Variants in PPP1R14C observed in about 807,000 individuals in gnomAD.
PPP1R14C encodes the protein protein phosphatase 1 regulatory subunit 14C.
In PPP1R14C, 16 loss-of-function variants were observed where a neutral mutation model predicts 20.4. The observed-to-expected ratio is 0.78, with a 90% CI of 0.53 to 1.19. The LOEUF is 1.19. Ranked by LOEUF, PPP1R14C falls within the 50% of genes most tolerant of loss-of-function variation. The pLI, the probability that PPP1R14C is intolerant of heterozygous loss-of-function variation, is 0.00. For missense variants in PPP1R14C, 211 were observed against 220.1 expected (o/e 0.96, Z 0.26); for synonymous variants, 91 against 91.0 (o/e 1.00, Z 0.00).
At chr6:150,165,971 G>A (rs557193331) in intron 1 of PPP1R14C, among the ~76,000 whole-genome samples, 48 of 152,286 alleles carry the variant, frequency 3.2e-4, no homozygotes, top group African/African-American at 9.9e-4. Flanking sequence ...TCAGGAGGTT[G>A]GTGTGGACTC....
intron 1 of PPP1R14C, among the ~76,000 whole-genome samples, chr6:150,154,729 C>T (rs1019238293): frequency 1.3e-5 from 2 of 152,144 alleles, no homozygotes; most frequent in East Asian, 1.9e-4. Flanking sequence ...CTGCACTGGG[C>T]ATGATGTCTT....
intron 1 of PPP1R14C, among the ~76,000 whole-genome samples, chr6:150,156,356 A>G (rs1259067609): frequency 6.6e-6 from 1 of 152,232 alleles, no homozygotes; most frequent in Non-Finnish European, 1.5e-5. Flanking sequence ...CAATGTAAAA[A>G]ACTATTAATT....
rs1449597614 is a variant in PPP1R14C at position 150,181,253 on chromosome 6, T to C, written c.307-33491T>C. Among the ~76,000 whole-genome samples, 6 of 152,178 alleles carry C rather than the reference T, an allele frequency of 3.9e-5. No homozygotes were observed. The East Asian group carries it at 1.2e-3, about 29-fold the overall frequency. ...GTGCAGTGGCGCGATCTCATCTCACTGCAACCTCCACCTCTCGGGTTTAAG... is the reference window on the plus strand; with the variant it reads ...GTGCAGTGGCGCGATCTCATCTCACCGCAACCTCCACCTCTCGGGTTTAAG... On this transcript the variant is annotated intron_variant, in intron 1 of 3. Coordinates refer to ENST00000361131, the MANE Select transcript of PPP1R14C (RefSeq NM_030949.3).
At chr6:150,221,204 A>C (rs1346809877) in intron 3 of PPP1R14C, among the ~76,000 whole-genome samples, 2 of 152,248 alleles carry the variant, frequency 1.3e-5, no homozygotes, top group Non-Finnish European at 2.9e-5. Flanking sequence ...TCTGTAGTTC[A>C]CATTGCACTA....
At chr6:150,220,709 C>T (rs1288672321) in intron 3 of PPP1R14C, among the ~76,000 whole-genome samples, 1 of 152,210 alleles carries the variant, frequency 6.6e-6, no homozygotes, top group Non-Finnish European at 1.5e-5. Context: ...TTCTCTTTTG[C>T]CTGGCTTCGC....
chr6:150,198,064 G>A lies in PPP1R14C; in HGVS notation c.307-16680G>A, dbSNP rs56016425. On this transcript the variant is annotated intron_variant, in intron 1 of 3. Coordinates refer to ENST00000361131, the MANE Select transcript of PPP1R14C (RefSeq NM_030949.3). ...AGCTTTGTGTGCCCCTGGCCGCCAC[G>A]GTGGAGGAGGGCCTGGATGCCCGGC... Among the ~76,000 whole-genome samples, 23 of 67,372 alleles carry A rather than the reference G, an allele frequency of 3.4e-4. 1 individual carries two copies. Among genetic ancestry groups the A allele is most frequent in the African/African-American group, 1.7e-3 (23 of 13,224 alleles). The allele number at this position is 67,372 out of a possible 152,430, so 44.2% of individuals were successfully genotyped here.
At chr6:150,226,201 A>G (rs964376226) in intron 3 of PPP1R14C, among the ~76,000 whole-genome samples, 1 of 152,196 alleles carries the variant, frequency 6.6e-6, no homozygotes, top group Non-Finnish European at 1.5e-5. Flanking sequence ...AATTGTGAGC[A>G]CCTCACTAAT....
At chr6:150,229,970 G>C (rs1778275409) in intron 3 of PPP1R14C, among the ~76,000 whole-genome samples, 1 of 152,130 alleles carries the variant, frequency 6.6e-6, no homozygotes. Flanking sequence ...GTAACTTCCA[G>C]GAGCAAATCC....
chr6:150,226,921 T>G (rs1778237116), intron 3 of PPP1R14C, among the ~76,000 whole-genome samples: 1 of 152,192 alleles, frequency 6.6e-6, no homozygotes, highest in Non-Finnish European at 1.5e-5. Context: ...TGATCTGGTT[T>G]GTGAGTAGAA....
chr6:150,147,952 G>A (rs900804224), intron 1 of PPP1R14C, among the ~76,000 whole-genome samples: 2 of 152,176 alleles, frequency 1.3e-5, no homozygotes, highest in African/African-American at 4.8e-5. Flanking sequence ...CATGGATACA[G>A]AGAAACAGAG....
intron 1 of PPP1R14C, among the ~76,000 whole-genome samples, chr6:150,165,735 G>A (rs913904594): frequency 6.6e-6 from 1 of 152,088 alleles, no homozygotes; most frequent in African/African-American, 2.4e-5. Context: ...AAATTTTTGT[G>A]TGTGACAGCC....
intron 1 of PPP1R14C, among the ~76,000 whole-genome samples, chr6:150,177,290 G>A (rs572091084): frequency 5.3e-5 from 8 of 152,196 alleles, no homozygotes; most frequent in Admixed American, 2.6e-4. Flanking sequence ...GATCTGGGGA[G>A]AAGAGAGGGA....
chr6:150,217,145 AG>A (rs1778103923), intron 3 of PPP1R14C, among the ~76,000 whole-genome samples: 2 of 152,044 alleles, frequency 1.3e-5, no homozygotes, highest in Admixed American at 1.3e-4. Context: ...TTTTAGTAAA[AG>A]TTTTAGGTTT....
intron 1 of PPP1R14C, among the ~76,000 whole-genome samples, chr6:150,159,632 T>A (rs1379588084): frequency 2.2e-5 from 3 of 134,572 alleles, no homozygotes; most frequent in African/African-American, 5.6e-5. Context: ...TTTTTTTTTT[T>A]AAACAAATAA....
At chr6:150,173,357 G>T (rs1777520083) in intron 1 of PPP1R14C, among the ~76,000 whole-genome samples, 1 of 151,504 alleles carries the variant, frequency 6.6e-6, no homozygotes, top group South Asian at 2.1e-4. Context: ...CCATCCCTAT[G>T]GTGAGTGCCC....
intron 1 of PPP1R14C, among the ~76,000 whole-genome samples, chr6:150,200,310 A>G (rs777813183): frequency 4.6e-5 from 7 of 151,196 alleles, no homozygotes; most frequent in Non-Finnish European, 1.0e-4. Context: ...AATAGACTCT[A>G]TTTGAGCCCT....
At chr6:150,211,412 C>T (rs1330161730) in intron 1 of PPP1R14C, among the ~76,000 whole-genome samples, 2 of 152,170 alleles carry the variant, frequency 1.3e-5, no homozygotes, top group Admixed American at 6.5e-5. Flanking sequence ...GCTGTGAAGA[C>T]AGTTGTTTCA....
intron 1 of PPP1R14C, among the ~76,000 whole-genome samples, chr6:150,191,057 G>A (rs1422022320): frequency 6.6e-6 from 1 of 152,054 alleles, no homozygotes; most frequent in Non-Finnish European, 1.5e-5. Flanking sequence ...CTCTGCTCCC[G>A]ACATTGGCCT....
At chr6:150,219,044 A>G (rs1778134769) in intron 3 of PPP1R14C, among the ~76,000 whole-genome samples, 1 of 151,552 alleles carries the variant, frequency 6.6e-6, no homozygotes, top group African/African-American at 2.4e-5. Flanking sequence ...CTCTCCACAC[A>G]ATTCCTTTTC....
Sources: allele counts gnomAD v4.1 joint callset (sites outside exome capture counted in the v4.1 genomes callset), GRCh38; gene constraint gnomAD v4.1.1; transcripts MANE v1.5; gene names NCBI Gene and HGNC (gene_info 2026-07-23, HGNC 2026-07-21).